MCUR1: variants seen among roughly 807,000 people sequenced by gnomAD.
MCUR1 encodes mitochondrial calcium uniporter regulator 1, also known as MCU regulator 1.
MCUR1 carries 37 observed loss-of-function variants against 42.0 expected under a neutral mutation model. The ratio of observed to expected loss-of-function variants is 0.88; its 90% CI spans 0.68 to 1.16. MCUR1 has a LOEUF of 1.16. MCUR1 is among the 50% of genes most tolerant of loss of function. MCUR1 has a pLI of 0.00. For missense variants in MCUR1, 469 were observed against 468.4 expected, an observed-to-expected ratio of 1.00 and a Z score of -0.01; for synonymous variants, 229 against 196.2, an observed-to-expected ratio of 1.17 and a Z score of -1.40.
chr6:13,799,048 G>T, intron 5 of MCUR1, 144 bp from the exon 6 acceptor site: 1 of 593,520 alleles, frequency 1.7e-6, no homozygotes. Context: ...GGGGCTTCCA[G>T]AGAAATGGAC....
At position 13,788,595 on chromosome 6, in the gene MCUR1, G is replaced by C. The variant is rs1406250689; in HGVS notation, c.*2214C>G. On this transcript the variant is annotated 3_prime_UTR_variant, in exon 9 of 9. Transcript: ENST00000379170. ...ACTGTTTTTAACCCACACAAGGTTA[G>C]GTAATGTTTACCTTGAAACATAATC... is the stretch of plus-strand genomic sequence containing the variant. The C allele has an allele frequency of 6.6e-6, 1 of 152,198 alleles. No homozygotes were observed. The highest frequency in any genetic ancestry group is 1.5e-5 in the Non-Finnish European group (1 of 68,038). 9.4% of individuals were successfully genotyped at this position (152,198 alleles called of 1,614,324 possible).
At chr6:13,792,096 T>G (rs1397569773) in intron 7 of MCUR1, 104 bp from the exon 8 acceptor site, 48 of 815,754 alleles carry the variant, frequency 5.9e-5, no homozygotes, top group Non-Finnish European at 9.0e-5. Context: ...GAAACCTGGG[T>G]AAGACTATGG....
chr6:13,786,833 C>G lies in MCUR1; in HGVS notation c.*3976G>C, dbSNP rs958596180. On this transcript the variant is annotated 3_prime_UTR_variant, in exon 9 of 9. Transcript: ENST00000379170. ...AAAAGTTAAGAAATTGGGTTATAAG[C>G]AAAGGAACATAAGTGTAAAATGTGT... 6.6e-6 allele frequency: 1 copy of G among 151,894 alleles called. No homozygotes were observed. The highest frequency in any genetic ancestry group is 1.5e-5 in the Non-Finnish European group (1 of 67,986). The allele number at this position is 151,894 out of a possible 1,614,324, so 9.4% of individuals were successfully genotyped here.
At chr6:13,797,205 AAAC>A (rs1203286607) in intron 6 of MCUR1, among the ~76,000 whole-genome samples, 4 of 152,234 alleles carry the variant, frequency 2.6e-5, no homozygotes, top group South Asian at 2.1e-4. Context: ...AAAAATGAGA[AAAC>A]AACAAACAGT....
intron 2 of MCUR1, chr6:13,803,862 G>A: frequency 1.0e-6 from 1 of 985,356 alleles, no homozygotes; most frequent in Non-Finnish European, 1.2e-6. Flanking sequence ...GCTGGGTGTG[G>A]TGGCTCACGC....
At chr6:13,798,307 G>A (rs1192569069) in intron 6 of MCUR1, among the ~76,000 whole-genome samples, 2 of 151,982 alleles carry the variant, frequency 1.3e-5, no homozygotes, top group Non-Finnish European at 2.9e-5. Flanking sequence ...ATGTTGGGCA[G>A]GCACGCTGCC....
At chr6:13,811,337 A>G (rs1419376062) in intron 1 of MCUR1, among the ~76,000 whole-genome samples, 1 of 152,136 alleles carries the variant, frequency 6.6e-6, no homozygotes, top group Non-Finnish European at 1.5e-5. Flanking sequence ...GCAGGCTAGG[A>G]ATAATTTTTT....
chr6:13,810,159 C>T (rs1463826721), intron 1 of MCUR1, among the ~76,000 whole-genome samples: 1 of 151,766 alleles, frequency 6.6e-6, no homozygotes, highest in East Asian at 1.9e-4. Context: ...GCCAAGATCG[C>T]ACCACTGCAC....
At chr6:13,810,022 G>A (rs4715573) in intron 1 of MCUR1, among the ~76,000 whole-genome samples, 59,170 of 151,798 alleles carry the variant, frequency 0.39, 13,377 homozygotes, top group Non-Finnish European at 0.5. Context: ...GGCCAAGATG[G>A]TGAAACCCCG....
chr6:13,806,260 A>AG (rs1212890031), intron 2 of MCUR1, among the ~76,000 whole-genome samples: 3 of 151,996 alleles, frequency 2.0e-5, no homozygotes, highest in Non-Finnish European at 2.9e-5. Context: ...TCAAAAAAAA[A>AG]GAAAGAAAAA....
intron 6 of MCUR1, among the ~76,000 whole-genome samples, chr6:13,797,212 A>G (rs752936761): frequency 2.3e-4 from 35 of 152,342 alleles, no homozygotes; most frequent in Admixed American, 4.6e-4. Context: ...AGAAAACAAC[A>G]AACAGTTGTG....
intron 8 of MCUR1, 139 bp downstream of exon 8, chr6:13,791,739 G>T (rs1307690405): frequency 1.8e-5 from 11 of 596,550 alleles, no homozygotes; most frequent in Middle Eastern, 4.6e-4. Flanking sequence ...ACTGGAAATT[G>T]TAAGATGCTT....
chr6:13,800,463 G>A, intron 4 of MCUR1, 81 bp from the exon 5 acceptor site: 2 of 762,948 alleles, frequency 2.6e-6, no homozygotes, highest in Middle Eastern at 2.4e-4. Context: ...ACATATTTAT[G>A]CACAAGTTCC....
chr6:13,808,099 G>T (rs574753312), intron 1 of MCUR1, among the ~76,000 whole-genome samples: 3 of 152,266 alleles, frequency 2.0e-5, no homozygotes, highest in Admixed American at 2.0e-4. Context: ...GCTATCCTGG[G>T]GGTAGGTTTC....
chr6:13,804,570 C>T (rs1251402006), intron 2 of MCUR1, among the ~76,000 whole-genome samples: 2 of 151,112 alleles, frequency 1.3e-5, no homozygotes, highest in African/African-American at 4.8e-5. Context: ...GTCAGGAGAT[C>T]GAGACCATCC....
intron 6 of MCUR1, among the ~76,000 whole-genome samples, chr6:13,794,637 G>GT (rs1561729840): frequency 8.0e-5 from 7 of 87,294 alleles, no homozygotes; most frequent in South Asian, 3.8e-4. Context: ...TCACATGTTG[G>GT]GTTTTTTTTT....
rs561214833 is a variant in MCUR1 at position 13,812,562 on chromosome 6, G to T, written c.415+1453C>A. Among the ~76,000 whole-genome samples the T allele has an allele frequency of 3.7e-4, 57 of 152,244 alleles. 1 individual carries two copies. The highest frequency in any genetic ancestry group is 6.8e-3 in the Middle Eastern group (2 of 294). Reference sequence around the variant, plus strand: ...AACAAAAGGCAAAATACAGAATAAAGACCAAACTCATCTCCGACTCCTAAT... The same window carrying T: ...AACAAAAGGCAAAATACAGAATAAATACCAAACTCATCTCCGACTCCTAAT... On this transcript the variant is annotated intron_variant, in intron 1 of 8. Coordinates refer to ENST00000379170, the MANE Select transcript of MCUR1 (RefSeq NM_001031713.4).
rs1404793607 is a variant in MCUR1 at position 13,806,959 on chromosome 6, G to A, written c.501C>T (p.Asp167=). The change falls in exon 2 of 9, where the codon GAC becomes GAT. Residue 167 remains aspartate (D), a synonymous_variant. Coordinates refer to ENST00000379170, the MANE Select transcript of MCUR1 (RefSeq NM_001031713.4). ...CCAGTAAGCACACTAAGGCATGAGT[G>A]TCGAAGTAGAGTTTCCTGCTCCCAG... ...TSSGSRKLYF[D]THALVCLLED... 11 of 1,613,482 alleles carry A rather than the reference G, an allele frequency of 6.8e-6. No homozygotes were observed. Among genetic ancestry groups the A allele is most frequent in the Non-Finnish European group, 8.5e-6 (10 of 1,179,472 alleles).
chr6:13,804,790 C>CAAAAAA (rs971958696), intron 2 of MCUR1, among the ~76,000 whole-genome samples: 6 of 50,444 alleles, frequency 1.2e-4, no homozygotes, highest in Non-Finnish European at 2.3e-4. Context: ...ACTCTGTCTC[C>CAAAAAA]AAAAAAAAAA....
Sources: allele counts gnomAD v4.1 joint callset (sites outside exome capture counted in the v4.1 genomes callset), GRCh38; gene constraint gnomAD v4.1.1; transcripts MANE v1.5; gene names NCBI Gene and HGNC (gene_info 2026-07-23, HGNC 2026-07-21).